The following GGNBP2 variants were observed in gnomAD, a reference collection of about 807,000 sequenced individuals.
GGNBP2 encodes the protein gametogenetin binding protein 2.
A neutral mutation model predicts 85.9 loss-of-function variants in GGNBP2; 10 were observed. That is an observed-to-expected ratio of 0.12 (90% confidence interval 0.07 to 0.20). The LOEUF is 0.20. GGNBP2 is among the 10% of genes least tolerant of loss of function. GGNBP2 has a pLI of 1.00. For missense variants in GGNBP2, 595 were observed against 857.8 expected (o/e 0.69, Z 3.83); for synonymous variants, 287 against 285.7 (o/e 1.00, Z -0.05).
At chr17:36,568,021 G>A (rs1555606147) in intron 6 of GGNBP2, among the ~76,000 whole-genome samples, 1 of 152,022 alleles carries the variant, frequency 6.6e-6, no homozygotes, top group Non-Finnish European at 1.5e-5. Flanking sequence ...TGCCTCCCAG[G>A]TTCAAGAGAT....
At chr17:36,559,936 G>A (rs956509612) in intron 4 of GGNBP2, among the ~76,000 whole-genome samples, 1 of 152,126 alleles carries the variant, frequency 6.6e-6, no homozygotes, top group Non-Finnish European at 1.5e-5. Flanking sequence ...CCAGATTCAA[G>A]TGATTCTCGT....
chr17:36,571,053 T>TA (rs2074519184), intron 6 of GGNBP2, among the ~76,000 whole-genome samples: 1 of 152,146 alleles, frequency 6.6e-6, no homozygotes, highest in Non-Finnish European at 1.5e-5. Context: ...CATCGGCAGA[T>TA]ACTACACTTG....
At chr17:36,566,743 T>G (rs1555605901) in intron 5 of GGNBP2, among the ~76,000 whole-genome samples, 3 of 152,296 alleles carry the variant, frequency 2.0e-5, no homozygotes, top group African/African-American at 7.2e-5. Flanking sequence ...TTCGTCTTAG[T>G]GTACTATCTT....
At chr17:36,556,656 A>T (rs1279296675) in intron 3 of GGNBP2, among the ~76,000 whole-genome samples, 2 of 150,628 alleles carry the variant, frequency 1.3e-5, no homozygotes, top group Non-Finnish European at 3.0e-5. Flanking sequence ...GTGAGCTGAG[A>T]TTGTGCTACT....
chr17:36,552,738 G>A (rs1321836550), intron 2 of GGNBP2, among the ~76,000 whole-genome samples: 2 of 152,114 alleles, frequency 1.3e-5, no homozygotes, highest in Non-Finnish European at 2.9e-5. Context: ...CTATTGAAAT[G>A]GGTCAGGCGT....
chr17:36,583,133 A>C lies in GGNBP2; in HGVS notation c.1215+1595A>C, dbSNP rs528261439. ...CAGTGGCATGATCTCGGCTCACTGC[A>C]ACCTCCGCCTCTCGGGTTCAAGCAA... On this transcript the variant is annotated intron_variant, in intron 9 of 13. Coordinates refer to ENST00000613102, the MANE Select transcript of GGNBP2 (RefSeq NM_024835.5). 7.9e-5 allele frequency among the ~76,000 whole-genome samples: 12 copies of C among 152,006 alleles called. 1 individual carries two copies. Among genetic ancestry groups the C allele is most frequent in the African/African-American group, 2.9e-4 (12 of 41,430 alleles).
chr17:36,568,874 C>T (rs1295103808), intron 6 of GGNBP2, among the ~76,000 whole-genome samples: 1 of 151,786 alleles, frequency 6.6e-6, no homozygotes, highest in Non-Finnish European at 1.5e-5. Context: ...TCCTGCCTCA[C>T]CCTCCCAAGT....
rs1282745592 is a variant in GGNBP2 at position 36,573,822 on chromosome 17, T to C, written c.642-4161T>C. 2.0e-5 allele frequency among the ~76,000 whole-genome samples: 3 copies of C among 152,322 alleles called. No homozygotes were observed. The East Asian group carries it at 5.8e-4, about 29-fold the overall frequency. ...CATATGTTTGCTGGCCATTTGTATA[T>C]AATCTTTGGAGAAATGTCGATTCAT... On this transcript the variant is annotated intron_variant, in intron 6 of 13. Transcript: ENST00000613102.
At chr17:36,546,645 G>A (rs1338929334) in intron 2 of GGNBP2, 3 of 152,142 alleles carry the variant, frequency 2.0e-5, no homozygotes, top group African/African-American at 4.8e-5. Context: ...ATCTGAACAG[G>A]AAATGAGTGC....
chr17:36,586,909 G>T, intron 12 of GGNBP2, 88 bp from the exon 13 acceptor site: 1 of 1,277,352 alleles, frequency 7.8e-7, no homozygotes. Context: ...ATGAGCCACC[G>T]TGCCCCGCTT....
intron 2 of GGNBP2, among the ~76,000 whole-genome samples, chr17:36,551,431 C>T (rs751262947): frequency 2.0e-5 from 3 of 151,894 alleles, no homozygotes; most frequent in Non-Finnish European, 4.4e-5. Context: ...CTTGAACTCA[C>T]GACCTCAGGT....
chr17:36,557,406 A>C, intron 4 of GGNBP2, 70 bp downstream of exon 4: 1 of 1,255,838 alleles, frequency 8.0e-7, no homozygotes, highest in Non-Finnish European at 1.1e-6. Context: ...GTGGCAGCTT[A>C]TTTTCTTGAT....
chr17:36,562,421 G>C (rs951989135), intron 5 of GGNBP2, among the ~76,000 whole-genome samples: 1 of 151,682 alleles, frequency 6.6e-6, no homozygotes, highest in Non-Finnish European at 1.5e-5. Context: ...TGCCTGACTT[G>C]GTCTCCCAAA....
intron 6 of GGNBP2, among the ~76,000 whole-genome samples, chr17:36,575,646 A>ATTTT (rs1360835058): frequency 1.3e-3 from 71 of 54,588 alleles, no homozygotes; most frequent in African/African-American, 3.7e-3. Context: ...ATATATATAT[A>ATTTT]TATTTTTTTT....
chr17:36,575,738 C>T (rs1467402496), intron 6 of GGNBP2, among the ~76,000 whole-genome samples: 1 of 146,946 alleles, frequency 6.8e-6, no homozygotes, highest in Admixed American at 6.8e-5. Context: ...CCTCTGCCTC[C>T]CGGGTTCAAG....
chr17:36,551,110 A>G (rs1158881066), intron 2 of GGNBP2, among the ~76,000 whole-genome samples: 1 of 152,242 alleles, frequency 6.6e-6, no homozygotes, highest in Non-Finnish European at 1.5e-5. Context: ...CAGGAAAGAT[A>G]GAAATAGATT....
At chr17:36,550,164 C>T (rs769616713) in intron 2 of GGNBP2, among the ~76,000 whole-genome samples, 16 of 152,168 alleles carry the variant, frequency 1.1e-4, no homozygotes, top group Non-Finnish European at 1.8e-4. Context: ...TCTCGAACTC[C>T]TGACCTCAAG....
intron 6 of GGNBP2, among the ~76,000 whole-genome samples, chr17:36,569,620 C>T (rs563416292): frequency 8.5e-5 from 13 of 152,240 alleles, no homozygotes; most frequent in Admixed American, 3.9e-4. Context: ...TGACTTCGCC[C>T]GCATACCAAG....
Position 36,575,648 on chromosome 17 carries a change from A to ATTTTTT in GGNBP2, c.642-2325_642-2320dup, listed in dbSNP as rs71274856. On this transcript the variant is annotated intron_variant, in intron 6 of 13. Transcript: ENST00000613102. ...TATATATATATATATATATATATAT[A>ATTTTTT]TTTTTTTTTTTTTTTGAGATGGAGT... Among the ~76,000 whole-genome samples the ATTTTTT allele has an allele frequency of 1.5e-3, 81 of 54,906 alleles. 4 individuals carry two copies. Among genetic ancestry groups the ATTTTTT allele is most frequent in the African/African-American group, 3.9e-3 (36 of 9,184 alleles). 36.0% of individuals were successfully genotyped at this position (54,906 alleles called of 152,430 possible). A position where few individuals can be genotyped will look rare whatever the true frequency, so the allele number is the denominator to read the frequency against.
Sources: gnomAD v4.1 joint callset for allele counts (sites outside exome capture counted in the v4.1 genomes callset) on GRCh38, gnomAD v4.1.1 for gene constraint, MANE v1.5 for transcripts, NCBI Gene and HGNC (gene_info 2026-07-23, HGNC 2026-07-21) for gene names.